Variants in ANKS6 observed in about 807,000 individuals in gnomAD.
ANKS6 encodes ankyrin repeat and sterile alpha motif domain containing 6, also known as ankyrin repeat and SAM domain-containing protein 6.
ANKS6 carries 47 observed loss-of-function variants against 77.9 expected under a neutral mutation model. The ratio of observed to expected loss-of-function variants is 0.60; its 90% CI spans 0.48 to 0.77. The LOEUF (loss-of-function observed/expected upper bound fraction) is 0.77, where lower values mean the gene tolerates loss of function less well. Ranked by LOEUF, ANKS6 falls within the 30% of genes least tolerant of loss-of-function variation. The pLI, the probability that ANKS6 is intolerant of heterozygous loss-of-function variation, is 0.00. For missense variants in ANKS6, 1,150 were observed against 1,159.1 expected, an observed-to-expected ratio of 0.99 and a Z score of 0.11; for synonymous variants, 488 against 501.7, an observed-to-expected ratio of 0.97 and a Z score of 0.37.
At chr9:98,785,569 A>G (rs979679603) in intron 2 of ANKS6, among the ~76,000 whole-genome samples, 3 of 152,046 alleles carry the variant, frequency 2.0e-5, no homozygotes, top group African/African-American at 4.8e-5. Context: ...CCTCCCTCAC[A>G]TGCTCATCCC....
intron 4 of ANKS6, 129 bp downstream of exon 4, chr9:98,783,824 C>A (rs956076534): frequency 7.6e-5 from 60 of 791,952 alleles, no homozygotes; most frequent in Non-Finnish European, 9.0e-5. Flanking sequence ...TTTTTCCATG[C>A]CTCAATGTCG....
intron 12 of ANKS6, among the ~76,000 whole-genome samples, chr9:98,752,841 T>C (rs1832504432): frequency 6.6e-6 from 1 of 152,184 alleles, no homozygotes; most frequent in Admixed American, 6.5e-5. Flanking sequence ...AACAGGGGGA[T>C]GTGGGGACAG....
At position 98,791,139 on chromosome 9, in the gene ANKS6, C is replaced by T. The variant is rs565240023; in HGVS notation, c.360-533G>A. On this transcript the variant is annotated intron_variant, in intron 1 of 14. Coordinates refer to ENST00000353234, the MANE Select transcript of ANKS6 (RefSeq NM_173551.5). The surrounding 1 kb of genome is among the most constrained non-coding windows in gnomAD (Gnocchi z 4.3). ...TTCTCTTACACCATGCTGCCTCCTA[C>T]ATTTCAGACAGTCGATTTTATTCTG... Among the ~76,000 whole-genome samples the T allele has an allele frequency of 5.9e-5, 9 of 152,230 alleles. No homozygotes were observed. The highest frequency in any genetic ancestry group is 1.3e-4 in the Non-Finnish European group (9 of 68,044).
In ANKS6 at chr9:98,748,000, G is replaced by A. The variant is rs146830251; in HGVS notation, c.2395-2325C>T. On this transcript the variant is annotated intron_variant, in intron 13 of 14. Transcript: ENST00000353234. ...TCTTCCCAGATGCCCTTCCAGGTCC[G>A]TTCCCCCTCTTTCTCCAAAGTTCAG... Among the ~76,000 whole-genome samples the A allele has an allele frequency of 2.3e-3, 353 of 152,240 alleles. 1 individual carries two copies. Among genetic ancestry groups the A allele is most frequent in the African/African-American group, 8.2e-3 (340 of 41,520 alleles).
Position 98,796,197 on chromosome 9 carries a change from G to A in ANKS6, c.295C>T (p.Arg99Cys). 1.4e-6 allele frequency: 2 copies of A among 1,417,210 alleles called. No homozygotes were observed. The highest frequency in any genetic ancestry group is 1.5e-5 in the South Asian group (1 of 68,604). The allele number at this position is 1,417,210 out of a possible 1,614,324, so 87.8% of individuals were successfully genotyped here. The change falls in exon 1 of 15, where the codon CGC becomes TGC. Residue 99 changes from arginine to cysteine, a missense_variant. Arg to Cys is a radical substitution (Grantham distance 180). Transcript: ENST00000353234. ...CGGCTGTTGACCGAGGCACCGCGGC[G>A]CAGCAGGAAGCGCACCAGCGGTTCG... ...GHEPLVRFLL[R>C]RGASVNSRNH...
intron 6 of ANKS6, 90 bp from the exon 7 acceptor site, chr9:98,778,514 T>C: frequency 8.0e-7 from 1 of 1,256,552 alleles, no homozygotes; most frequent in Non-Finnish European, 1.1e-6. Flanking sequence ...AGTGACTACA[T>C]TCACATGTGC....
intron 12 of ANKS6, among the ~76,000 whole-genome samples, chr9:98,753,926 T>C (rs1832564903): frequency 1.3e-5 from 2 of 152,216 alleles, no homozygotes; most frequent in African/African-American, 4.8e-5. Flanking sequence ...AATGGTTGTG[T>C]TTAACAACCA....
At position 98,796,114 on chromosome 9, in the gene ANKS6, C is replaced by T; in HGVS notation, c.359+19G>A. 7.5e-7 allele frequency: 1 copy of T among 1,335,138 alleles called. No homozygotes were observed. The highest frequency in any genetic ancestry group is 9.6e-7 in the Non-Finnish European group (1 of 1,044,664). The allele number at this position is 1,335,138 out of a possible 1,614,324, so 82.7% of individuals were successfully genotyped here. ...CGGGCACCACTCTGGTCCCGGGCCC[C>T]CGGGCCCCGCCGCCTCACCTGGCCG... On this transcript the variant is annotated intron_variant, in intron 1 of 14. Transcript: ENST00000353234.
chr9:98,774,017 A>G lies in ANKS6; in HGVS notation c.1681T>C (p.Phe561Leu). The change falls in exon 9 of 15, where the codon TTC becomes CTC. Residue 561 changes from phenylalanine to leucine, a missense_variant. Transcript: ENST00000353234. Reference protein sequence around the residue: ...SDKLKAVIPPFLPPSSFELWS... With the variant: ...SDKLKAVIPPLLPPSSFELWS... Reference sequence around the variant, plus strand: ...AGCTCAAAACTGGAAGGGGGTAGGAATGGGGGGATGACTGCTTTCAGCTTG... The same window carrying G: ...AGCTCAAAACTGGAAGGGGGTAGGAGTGGGGGGATGACTGCTTTCAGCTTG... 1 of 1,369,082 alleles carries G rather than the reference A, an allele frequency of 7.3e-7. No homozygotes were observed. Among genetic ancestry groups the G allele is most frequent in the Non-Finnish European group, 9.8e-7 (1 of 1,024,006 alleles). 84.8% of individuals were successfully genotyped at this position (1,369,082 alleles called of 1,614,324 possible). A position where few individuals can be genotyped will look rare whatever the true frequency, so the allele number is the denominator to read the frequency against.
In ANKS6 at chr9:98,733,406, T is replaced by C; in HGVS notation, c.*3113A>G. 1 of 985,308 alleles carries C rather than the reference T, an allele frequency of 1.0e-6. No homozygotes were observed. The highest frequency in any genetic ancestry group is 1.2e-6 in the Non-Finnish European group (1 of 829,952). The allele number at this position is 985,308 out of a possible 1,614,324, so 61.0% of individuals were successfully genotyped here. ...GGAGAGCTCAGGGTGGAGCCTCAGCTCAATGCCCTCAGGCTGGAGAGCTCT... is the reference window on the plus strand; with the variant it reads ...GGAGAGCTCAGGGTGGAGCCTCAGCCCAATGCCCTCAGGCTGGAGAGCTCT... On this transcript the variant is annotated 3_prime_UTR_variant, in exon 15 of 15. Transcript: ENST00000353234.
At chr9:98,742,016 C>T (rs922981358) in intron 14 of ANKS6, among the ~76,000 whole-genome samples, 1 of 152,156 alleles carries the variant, frequency 6.6e-6, no homozygotes, top group African/African-American at 2.4e-5. Flanking sequence ...TTTTCTAAAA[C>T]GTGCTGCTCA....
At chr9:98,777,303 G>T in intron 8 of ANKS6, 102 bp downstream of exon 8, 1 of 1,281,506 alleles carries the variant, frequency 7.8e-7, no homozygotes, top group South Asian at 1.2e-5. Flanking sequence ...CCCTATCTGT[G>T]ACCACTACAA....
intron 11 of ANKS6, among the ~76,000 whole-genome samples, chr9:98,761,582 T>C (rs1368826169): frequency 1.3e-5 from 2 of 152,272 alleles, no homozygotes; most frequent in African/African-American, 4.8e-5. Context: ...TTTTCTTTTA[T>C]GTATCATGCT....
chr9:98,782,460 T>C lies in ANKS6; in HGVS notation c.1219+7A>G, dbSNP rs547055248. 2.5e-6 allele frequency: 4 copies of C among 1,612,544 alleles called. No individual in the cohort carries two copies. In the African/African-American group the frequency reaches 4.0e-5, roughly 16 times the overall value. ...AGATTTACAACCCTTTTCTTGAAAT[T>C]ACCTACCGGGATCATTCAGCAGCAT... is the stretch of plus-strand genomic sequence containing the variant. On this transcript the variant is annotated splice_region_variant and intron_variant, in intron 5 of 14. Coordinates refer to ENST00000353234, the MANE Select transcript of ANKS6 (RefSeq NM_173551.5).
chr9:98,789,689 T>A (rs1017072461), intron 2 of ANKS6, among the ~76,000 whole-genome samples: 2 of 152,194 alleles, frequency 1.3e-5, no homozygotes, highest in African/African-American at 4.8e-5. Context: ...CATTTACTCA[T>A]TACATATGTA....
chr9:98,768,113 A>C lies in ANKS6; in HGVS notation c.2110T>G (p.Ser704Ala), dbSNP rs771514558. ...PGSSPSELPA[S>A]PAGGSAPVGK... ...ACAGGAGCGCTGCCACCTGCAGGGG[A>C]GGCTGGAAGCTCAGACGGGCTGGAC... is the stretch of plus-strand genomic sequence containing the variant. The change falls in exon 11 of 15, where the codon TCC becomes GCC. Residue 704 changes from serine (S) to alanine (A), a missense_variant. By Grantham distance (99) the Ser-to-Ala change is moderately conservative (BLOSUM62 1). Transcript: ENST00000353234. The C allele has an allele frequency of 6.2e-7, 1 of 1,612,314 alleles. No individual in the cohort carries two copies. The highest frequency in any genetic ancestry group is 1.1e-5 in the South Asian group (1 of 90,804).
chr9:98,741,378 C>G (rs935898399), intron 14 of ANKS6, among the ~76,000 whole-genome samples: 3 of 151,938 alleles, frequency 2.0e-5, no homozygotes, highest in African/African-American at 7.3e-5. Context: ...CCTTTGAGGC[C>G]AGGAGTTTGA....
In ANKS6 at chr9:98,734,857, A is replaced by G. The variant is rs929844978; in HGVS notation, c.*1662T>C. 6 of 985,394 alleles carry G rather than the reference A, an allele frequency of 6.1e-6. No homozygotes were observed. The African/African-American group carries it at 8.7e-5, about 14-fold the overall frequency. 61.0% of individuals were successfully genotyped at this position (985,394 alleles called of 1,614,324 possible). A position where few individuals can be genotyped will look rare whatever the true frequency, so the allele number is the denominator to read the frequency against. On this transcript the variant is annotated 3_prime_UTR_variant, in exon 15 of 15. Transcript: ENST00000353234. ...AAAGGTGTCTATCAGTAACAGCTAA[A>G]TGAAACACTTTGTCTTCAGTCCTGT...
chr9:98,739,283 AAAC>A (rs1216302425), intron 14 of ANKS6, among the ~76,000 whole-genome samples: 5 of 152,168 alleles, frequency 3.3e-5, no homozygotes, highest in Admixed American at 6.5e-5. Context: ...AAAAAATTAA[AAAC>A]AACAACAACG....
Sources: allele counts gnomAD v4.1 joint callset (sites outside exome capture counted in the v4.1 genomes callset), GRCh38; gene constraint gnomAD v4.1.1; non-coding constraint Gnocchi (gnomAD v3.1); transcripts MANE v1.5; gene names NCBI Gene and HGNC (gene_info 2026-07-23, HGNC 2026-07-21).